The following NTM variants were observed in gnomAD, a reference collection of about 807,000 sequenced individuals.
The protein encoded by NTM is IgLON family member 2.
A neutral mutation model predicts 42.1 loss-of-function variants in NTM; 13 were observed. That is an observed-to-expected ratio of 0.31 (90% CI 0.20 to 0.49). The LOEUF is 0.49. Ranked by LOEUF, NTM falls within the 20% of genes least tolerant of loss-of-function variation. NTM has a pLI of 0.99. For synonymous variants in NTM, 187 were observed against 179.2 expected, an observed-to-expected ratio of 1.04 and a Z score of -0.35; for missense variants, 373 against 452.8, an observed-to-expected ratio of 0.82 and a Z score of 1.60.
At chr11:131,580,348 T>C (rs2058295207) in intron 1 of NTM, among the ~76,000 whole-genome samples, 2 of 152,204 alleles carry the variant, frequency 1.3e-5, no homozygotes. Flanking sequence ...TTACGGTATA[T>C]GGCTGAGTTG....
chr11:132,145,295 G>A (rs542424546), intron 2 of NTM, among the ~76,000 whole-genome samples: 2 of 152,310 alleles, frequency 1.3e-5, no homozygotes, highest in Non-Finnish European at 1.5e-5. Flanking sequence ...GAGACATTGA[G>A]CTGTAAAAGT....
At chr11:131,431,514 AAG>A (rs371227100) in intron 1 of NTM, among the ~76,000 whole-genome samples, 136 of 152,320 alleles carry the variant, frequency 8.9e-4, no homozygotes, top group African/African-American at 3.1e-3. Context: ...ATCTCAGGTT[AAG>A]AGAGTAGCCC....
At chr11:132,009,319 G>A (rs996274407) in intron 2 of NTM, among the ~76,000 whole-genome samples, 179 of 152,290 alleles carry the variant, frequency 1.2e-3, no homozygotes, top group Non-Finnish European at 3.2e-4. Flanking sequence ...GTACCTGGCT[G>A]TCTTTAAGCT....
intron 1 of NTM, among the ~76,000 whole-genome samples, chr11:131,656,610 G>T (rs2067214994): frequency 1.3e-5 from 2 of 152,200 alleles, no homozygotes; most frequent in Non-Finnish European, 1.5e-5. Context: ...AGGAGGCAGA[G>T]CTCCTGCTGA....
At chr11:131,506,957 G>T (rs946743953) in intron 1 of NTM, among the ~76,000 whole-genome samples, 2 of 151,840 alleles carry the variant, frequency 1.3e-5, no homozygotes, top group African/African-American at 4.9e-5. Flanking sequence ...CCAGGGTATT[G>T]TTCCCAAAGA....
chr11:131,919,348 A>G (rs1385645894), intron 2 of NTM, among the ~76,000 whole-genome samples: 4 of 152,160 alleles, frequency 2.6e-5, no homozygotes. Flanking sequence ...AATACTACCA[A>G]CATCATTATA....
At chr11:132,203,584 T>C (rs1234908943) in intron 3 of NTM, among the ~76,000 whole-genome samples, 1 of 152,206 alleles carries the variant, frequency 6.6e-6, no homozygotes, top group African/African-American at 2.4e-5. Flanking sequence ...GTTATTTTTC[T>C]AACCCATATT....
intron 2 of NTM, among the ~76,000 whole-genome samples, chr11:131,915,497 C>G (rs1041016070): frequency 6.6e-6 from 1 of 152,168 alleles, no homozygotes. Flanking sequence ...TATCCCCCAG[C>G]TATATTCAGT....
intron 1 of NTM, among the ~76,000 whole-genome samples, chr11:131,380,933 C>A (rs1247315269): frequency 6.6e-6 from 1 of 152,180 alleles, no homozygotes; most frequent in Non-Finnish European, 1.5e-5. Flanking sequence ...TTCTTTCTGA[C>A]AAATATTTTT....
intron 2 of NTM, among the ~76,000 whole-genome samples, chr11:132,142,337 T>C (rs185658121): frequency 6.6e-6 from 1 of 152,078 alleles, no homozygotes; most frequent in African/African-American, 2.4e-5. Flanking sequence ...TTAACCACCA[T>C]CCTGAGAGAG....
At chr11:132,111,935 C>T (rs2063262113) in intron 2 of NTM, among the ~76,000 whole-genome samples, 2 of 152,366 alleles carry the variant, frequency 1.3e-5, no homozygotes, top group Admixed American at 1.3e-4. Flanking sequence ...GTTTGATTCT[C>T]GCATAGGCGT....
chr11:131,659,418 G>A (rs1592402709), intron 1 of NTM, among the ~76,000 whole-genome samples: 1 of 152,154 alleles, frequency 6.6e-6, no homozygotes, highest in Non-Finnish European at 1.5e-5. Flanking sequence ...ACTGGGTGAG[G>A]GAGTTGAGCC....
chr11:131,524,917 C>T (rs1051093113), intron 1 of NTM, among the ~76,000 whole-genome samples: 3 of 152,232 alleles, frequency 2.0e-5, no homozygotes, highest in Non-Finnish European at 4.4e-5. Flanking sequence ...GTCAATAGTT[C>T]TTGCCTAATG....
chr11:132,240,067 G>GTCCGTCCATCCA (rs1555329358), intron 4 of NTM, among the ~76,000 whole-genome samples: 3 of 91,034 alleles, frequency 3.3e-5, no homozygotes, highest in African/African-American at 8.4e-5. Context: ...CCCTCCATCC[G>GTCCGTCCATCCA]TCCATCCATC....
At chr11:131,669,574 G>T (rs554314847) in intron 1 of NTM, among the ~76,000 whole-genome samples, 2 of 152,118 alleles carry the variant, frequency 1.3e-5, no homozygotes, top group East Asian at 1.9e-4. Context: ...GCACAGGTGA[G>T]GGGGGAGGGC....
intron 3 of NTM, among the ~76,000 whole-genome samples, chr11:132,156,227 C>T (rs1245821208): frequency 6.6e-6 from 1 of 152,124 alleles, no homozygotes; most frequent in East Asian, 1.9e-4. Context: ...GGCCAGGCTC[C>T]AGGGGACCTC....
chr11:132,129,266 C>T (rs2066404834), intron 2 of NTM, among the ~76,000 whole-genome samples: 1 of 152,090 alleles, frequency 6.6e-6, no homozygotes, highest in African/African-American at 2.4e-5. Context: ...CAGCTGTGTA[C>T]GTATTGTTAC....
chr11:132,074,661 G>A (rs2058131924), intron 2 of NTM, among the ~76,000 whole-genome samples: 1 of 151,842 alleles, frequency 6.6e-6, no homozygotes, highest in African/African-American at 2.4e-5. Flanking sequence ...ACCAAGATAT[G>A]GAAACACTAA....
intron 1 of NTM, among the ~76,000 whole-genome samples, chr11:131,689,216 G>A (rs954205563): frequency 3.9e-5 from 6 of 152,196 alleles, no homozygotes; most frequent in African/African-American, 1.4e-4. Context: ...TCAGCATGAG[G>A]CAGCGGGGAG....
Sources: gnomAD v4.1 joint callset for allele counts (sites outside exome capture counted in the v4.1 genomes callset) on GRCh38, gnomAD v4.1.1 for gene constraint, MANE v1.5 for transcripts, NCBI Gene and HGNC (gene_info 2026-07-23, HGNC 2026-07-21) for gene names.